Variants in SFRP1 observed in about 807,000 individuals in gnomAD.
The protein encoded by SFRP1 is secreted frizzled-related protein 1.
Under a neutral mutation model 25.9 loss-of-function variants are expected in SFRP1, and 9 were observed. That is an observed-to-expected ratio of 0.35 (90% CI 0.21 to 0.61). The LOEUF (loss-of-function observed/expected upper bound fraction) is 0.61, where lower values mean the gene tolerates loss of function less well. Among genes scored for constraint, SFRP1 ranks in the 20% least tolerant of loss-of-function variants. The pLI, the probability that SFRP1 is intolerant of heterozygous loss-of-function variation, is 0.78. For synonymous variants in SFRP1, 178 were observed against 174.0 expected, an observed-to-expected ratio of 1.02 and a Z score of -0.18; for missense variants, 346 against 418.2, an observed-to-expected ratio of 0.83 and a Z score of 1.51.
At chr8:41,292,301 C>G (rs1285112175) in intron 2 of SFRP1, among the ~76,000 whole-genome samples, 1 of 152,158 alleles carries the variant, frequency 6.6e-6, no homozygotes, top group Non-Finnish European at 1.5e-5. Context: ...GAACTGTAAT[C>G]CCCAGGTGTT....
In SFRP1 at chr8:41,265,138, G is replaced by GGCCCCCCCCCCC; in HGVS notation, c.*28_*29insGGGGGGGGGGGC. 1 of 508,950 alleles carries GGCCCCCCCCCCC rather than the reference G, an allele frequency of 2.0e-6. No individual in the cohort carries two copies. The highest frequency in any genetic ancestry group is 3.3e-6 in the Non-Finnish European group (1 of 302,258). 31.5% of individuals were successfully genotyped at this position (508,950 alleles called of 1,614,324 possible). On this transcript the variant is annotated 3_prime_UTR_variant, in exon 3 of 3. Transcript: ENST00000220772. ...CCCCCCCGCTCCCACCCCACCCGAG[G>GGCCCCCCCCCCC]CTCCCTCCCCACCCTGCCCCCGGGA...
chr8:41,295,189 C>T (rs982741518), intron 2 of SFRP1, among the ~76,000 whole-genome samples: 3 of 152,072 alleles, frequency 2.0e-5, no homozygotes, highest in African/African-American at 7.2e-5. Flanking sequence ...GGTGAAACCC[C>T]ATCTCTACTA....
Position 41,265,077 on chromosome 8 carries a change from G to C in SFRP1, c.*90C>G. ...AATGTCCACTACTGACAGGCGCAGT[G>C]CGTGTGTGTGACCCACCGGGTTCCC... On this transcript the variant is annotated 3_prime_UTR_variant, in exon 3 of 3. Coordinates refer to ENST00000220772, the MANE Select transcript of SFRP1 (RefSeq NM_003012.5). 1.2e-6 allele frequency: 1 copy of C among 861,690 alleles called. No homozygotes were observed. 53.4% of individuals were successfully genotyped at this position (861,690 alleles called of 1,614,324 possible). A position where few individuals can be genotyped will look rare whatever the true frequency, so the allele number is the denominator to read the frequency against.
At chr8:41,277,301 T>C (rs1007570654) in intron 2 of SFRP1, among the ~76,000 whole-genome samples, 1 of 151,552 alleles carries the variant, frequency 6.6e-6, no homozygotes, top group Non-Finnish European at 1.5e-5. Context: ...CTAGGATTGA[T>C]TGAATCTTGG....
At chr8:41,268,826 T>G (rs1803468009) in intron 2 of SFRP1, among the ~76,000 whole-genome samples, 1 of 152,110 alleles carries the variant, frequency 6.6e-6, no homozygotes, top group African/African-American at 2.4e-5. Context: ...CCGGAACTGA[T>G]CACCACCACC....
chr8:41,308,045 G>A lies in SFRP1; in HGVS notation c.544+571C>T, dbSNP rs758931617. 7.2e-5 allele frequency among the ~76,000 whole-genome samples: 11 copies of A among 152,206 alleles called. 1 individual carries two copies. The highest frequency in any genetic ancestry group is 3.3e-4 in the Admixed American group (5 of 15,278). The stretch of plus-strand genomic sequence containing the variant: ...TTCCTAAACTTTCTCAGCCAGTTTT[G>A]CAGCAATCCCAAGGCTACTTGACTG... On this transcript the variant is annotated intron_variant, in intron 1 of 2. Transcript: ENST00000220772.
rs577245034 is a variant in SFRP1 at position 41,266,621 on chromosome 8, A to G, written c.623-1132T>C. On this transcript the variant is annotated intron_variant, in intron 2 of 2. Transcript: ENST00000220772. Reference sequence around the variant, plus strand: ...TGGCTGATTTTTTTTTTTTTTTAAGAGACGGATCTTACTATGTTGCCCAGA... The same window carrying G: ...TGGCTGATTTTTTTTTTTTTTTAAGGGACGGATCTTACTATGTTGCCCAGA... Among the ~76,000 whole-genome samples the G allele has an allele frequency of 4.9e-3, 732 of 150,172 alleles. 4 individuals carry two copies. The highest frequency in any genetic ancestry group is 7.6e-3 in the Non-Finnish European group (514 of 67,620).
intron 2 of SFRP1, among the ~76,000 whole-genome samples, chr8:41,289,094 CT>C (rs1803744367): frequency 6.6e-6 from 1 of 152,232 alleles, no homozygotes; most frequent in Non-Finnish European, 1.5e-5. Context: ...CTGCTCCACC[CT>C]CTCAGGCACA....
rs1249904732 is a variant in SFRP1 at position 41,309,148 on chromosome 8, C to T, written c.12G>A (p.Gly4=). 2.8e-6 allele frequency: 4 copies of T among 1,412,334 alleles called. No individual in the cohort carries two copies. Among genetic ancestry groups the T allele is most frequent in the Non-Finnish European group, 3.6e-6 (4 of 1,098,188 alleles). 87.5% of individuals were successfully genotyped at this position (1,412,334 alleles called of 1,614,324 possible). The change falls in exon 1 of 3, where the codon GGG becomes GGA. Residue 4 remains glycine, a synonymous_variant. Transcript: ENST00000220772. MGI[G]RSEGGRRGAA... ...CCCCGCGGCGGCCCCCCTCGCTGCG[C>T]CCGATGCCCATGCCGGCTCTGCGCC...
At chr8:41,306,147 T>C (rs1803992782) in intron 1 of SFRP1, among the ~76,000 whole-genome samples, 1 of 149,870 alleles carries the variant, frequency 6.7e-6, no homozygotes, top group African/African-American at 2.4e-5. Flanking sequence ...GGAGCTTCTA[T>C]GGCTTGGGTA....
chr8:41,280,145 G>T (rs964878698), intron 2 of SFRP1, among the ~76,000 whole-genome samples: 1 of 152,178 alleles, frequency 6.6e-6, no homozygotes, highest in Non-Finnish European at 1.5e-5. Flanking sequence ...AAGTCCAGGG[G>T]AGTGCAGGGG....
At chr8:41,270,890 C>T (rs535736802) in intron 2 of SFRP1, among the ~76,000 whole-genome samples, 2 of 151,852 alleles carry the variant, frequency 1.3e-5, no homozygotes, top group South Asian at 4.2e-4. Context: ...CACAGCCTGC[C>T]GCTGGGGTAT....
At chr8:41,280,841 TC>T (rs1172041020) in intron 2 of SFRP1, among the ~76,000 whole-genome samples, 3 of 152,146 alleles carry the variant, frequency 2.0e-5, no homozygotes, top group Non-Finnish European at 4.4e-5. Context: ...GAACGGGTGC[TC>T]GGCCCACATT....
At position 41,265,112 on chromosome 8, in the gene SFRP1, T is replaced by TGCCCCCCCCCCCCCCC; in HGVS notation, c.*54_*55insGGGGGGGGGGGGGGGC. 1 of 517,774 alleles carries TGCCCCCCCCCCCCCCC rather than the reference T, an allele frequency of 1.9e-6. No homozygotes were observed. Among genetic ancestry groups the TGCCCCCCCCCCCCCCC allele is most frequent in the African/African-American group, 2.0e-5 (1 of 50,660 alleles). The allele number at this position is 517,774 out of a possible 1,614,324, so 32.1% of individuals were successfully genotyped here. On this transcript the variant is annotated 3_prime_UTR_variant, in exon 3 of 3. Transcript: ENST00000220772. ...GACCCACCGGGTTCCCGGGGCACTG[T>TGCCCCCCCCCCCCCCC]CCCCCCCGCTCCCACCCCACCCGAG...
Position 41,289,589 on chromosome 8 carries a change from T to C in SFRP1, c.622+13872A>G, listed in dbSNP as rs578245834. Among the ~76,000 whole-genome samples, 56 of 152,322 alleles carry C rather than the reference T, an allele frequency of 3.7e-4. 2 individuals carry two copies. The South Asian group carries it at 6.8e-3, about 19-fold the overall frequency. ...CACGTGTTCTTTCCAATGCACTCTT[T>C]AAATCCTAGAGATTACAGCACCGCC... On this transcript the variant is annotated intron_variant, in intron 2 of 2. Transcript: ENST00000220772.
chr8:41,295,984 C>G (rs989797221), intron 2 of SFRP1, among the ~76,000 whole-genome samples: 1 of 152,212 alleles, frequency 6.6e-6, no homozygotes, highest in South Asian at 2.1e-4. Flanking sequence ...GAGCCTGCCC[C>G]CTTTGAATTA....
rs1384280376 is a variant in SFRP1, at chr8:41,264,420, A to C, written c.*747T>G. ...ACTGTGGTTTCCTTTTTCTGACACA[A>C]AGGCAGGCACAGGCTGCCCCTCCAC... On this transcript the variant is annotated 3_prime_UTR_variant, in exon 3 of 3. Transcript: ENST00000220772. The C allele has an allele frequency of 6.6e-6, 1 of 152,164 alleles. No individual in the cohort carries two copies. Among genetic ancestry groups the C allele is most frequent in the Non-Finnish European group, 1.5e-5 (1 of 68,034 alleles). 9.4% of individuals were successfully genotyped at this position (152,164 alleles called of 1,614,324 possible).
chr8:41,284,164 T>G (rs1025333313), intron 2 of SFRP1, among the ~76,000 whole-genome samples: 2 of 151,886 alleles, frequency 1.3e-5, no homozygotes, highest in Non-Finnish European at 2.9e-5. Context: ...CCAAGAATAA[T>G]AAGAAAGAGT....
chr8:41,304,505 G>A (rs7841713), intron 1 of SFRP1, among the ~76,000 whole-genome samples: 38,040 of 151,846 alleles, frequency 0.25, 5,871 homozygotes, highest in Non-Finnish European at 0.32. Flanking sequence ...CCCCACCCCC[G>A]GGCACAGCAC....
Sources: gnomAD v4.1 joint callset for allele counts (sites outside exome capture counted in the v4.1 genomes callset) on GRCh38, gnomAD v4.1.1 for gene constraint, MANE v1.5 for transcripts, NCBI Gene and HGNC (gene_info 2026-07-23, HGNC 2026-07-21) for gene names.